Variants in EXOC4 observed in about 807,000 individuals in gnomAD.
The protein encoded by EXOC4 is SEC8-like 1.
A neutral mutation model predicts 107.2 loss-of-function variants in EXOC4; 71 were observed. The ratio of observed to expected loss-of-function variants is 0.66; its 90% CI spans 0.55 to 0.81. EXOC4 has a LOEUF of 0.81. Among genes scored for constraint, EXOC4 ranks in the 30% least tolerant of loss-of-function variants. The pLI, the probability that EXOC4 is intolerant of heterozygous loss-of-function variation, is 0.00. For missense variants in EXOC4, 1,108 were observed against 1,189.6 expected (o/e 0.93, Z 1.01); for synonymous variants, 456 against 441.2 (o/e 1.03, Z -0.42).
intron 10 of EXOC4, among the ~76,000 whole-genome samples, chr7:133,748,501 C>G (rs1795722855): frequency 6.6e-6 from 1 of 152,096 alleles, no homozygotes; most frequent in East Asian, 1.9e-4. Context: ...CAAAATTACT[C>G]CCAGGTTTGG....
At chr7:133,651,903 T>TGCC (rs1803164588) in intron 10 of EXOC4, among the ~76,000 whole-genome samples, 1 of 152,134 alleles carries the variant, frequency 6.6e-6, no homozygotes, top group Non-Finnish European at 1.5e-5. Context: ...CAGGCTGGTC[T>TGCC]TGCTGACCTC....
At chr7:133,847,777 C>A (rs1047099357) in intron 11 of EXOC4, among the ~76,000 whole-genome samples, 1 of 151,482 alleles carries the variant, frequency 6.6e-6, no homozygotes, top group African/African-American at 2.4e-5. Flanking sequence ...GGCATGATCT[C>A]GGCTCACTGC....
intron 10 of EXOC4, among the ~76,000 whole-genome samples, chr7:133,726,970 A>G (rs1236580223): frequency 1.3e-5 from 2 of 152,234 alleles, no homozygotes; most frequent in African/African-American, 4.8e-5. Context: ...TAAACTCCTG[A>G]AGGCTCCATT....
chr7:133,878,737 T>C (rs1798901492), intron 11 of EXOC4, among the ~76,000 whole-genome samples: 1 of 152,150 alleles, frequency 6.6e-6, no homozygotes, highest in Admixed American at 6.5e-5. Flanking sequence ...TGTTTGTTTG[T>C]TTTTGAGACG....
chr7:134,063,164 C>G (rs1796106710), intron 17 of EXOC4, among the ~76,000 whole-genome samples: 2 of 152,180 alleles, frequency 1.3e-5, no homozygotes, highest in South Asian at 4.1e-4. Flanking sequence ...GGACTCTCTG[C>G]TATTGCTCTG....
intron 10 of EXOC4, among the ~76,000 whole-genome samples, chr7:133,791,082 A>G (rs973327669): frequency 4.6e-5 from 7 of 152,144 alleles, no homozygotes; most frequent in African/African-American, 1.7e-4. Flanking sequence ...TTACAGCTGG[A>G]TATTAGGGAC....
chr7:133,418,412 T>A (rs527958360), intron 7 of EXOC4, among the ~76,000 whole-genome samples: 4 of 152,344 alleles, frequency 2.6e-5, no homozygotes, highest in African/African-American at 9.6e-5. Context: ...CAGAGTTACT[T>A]TCACATTGTA....
intron 7 of EXOC4, among the ~76,000 whole-genome samples, chr7:133,454,006 T>C (rs147728308): frequency 0.026 from 3,923 of 152,262 alleles, 114 homozygotes; most frequent in Non-Finnish European, 0.032. Flanking sequence ...ATCAAACTAA[T>C]ATAATTTTAA....
At chr7:133,402,329 G>C (rs1360924364) in intron 7 of EXOC4, among the ~76,000 whole-genome samples, 1 of 152,188 alleles carries the variant, frequency 6.6e-6, no homozygotes, top group Non-Finnish European at 1.5e-5. Flanking sequence ...AGTCAGCAGT[G>C]CTTATGTTTT....
At chr7:133,998,936 CAG>C (rs1044682640) in intron 15 of EXOC4, among the ~76,000 whole-genome samples, 1 of 152,014 alleles carries the variant, frequency 6.6e-6, no homozygotes, top group Non-Finnish European at 1.5e-5. Flanking sequence ...GTATTGGACA[CAG>C]GGGCTGGTGC....
At chr7:133,820,531 A>C (rs976133336) in intron 11 of EXOC4, among the ~76,000 whole-genome samples, 1 of 152,214 alleles carries the variant, frequency 6.6e-6, no homozygotes, top group Non-Finnish European at 1.5e-5. Flanking sequence ...AATTCTCAAA[A>C]ATTTTAGCTG....
intron 10 of EXOC4, among the ~76,000 whole-genome samples, chr7:133,715,029 T>C (rs1040667428): frequency 3.9e-5 from 6 of 152,194 alleles, no homozygotes; most frequent in African/African-American, 1.4e-4. Flanking sequence ...GTTTTTTCTT[T>C]ACTCCTCAAA....
chr7:134,052,891 C>T (rs948142442), intron 17 of EXOC4, among the ~76,000 whole-genome samples: 1 of 152,158 alleles, frequency 6.6e-6, no homozygotes, highest in African/African-American at 2.4e-5. Flanking sequence ...TTATCCTGAC[C>T]ATCTCCCCCC....
At chr7:133,503,164 G>T (rs960139963) in intron 9 of EXOC4, among the ~76,000 whole-genome samples, 1 of 152,014 alleles carries the variant, frequency 6.6e-6, no homozygotes, top group Non-Finnish European at 1.5e-5. Flanking sequence ...GGTGGGAGAG[G>T]GACTGAGAAT....
intron 10 of EXOC4, among the ~76,000 whole-genome samples, chr7:133,718,871 G>T (rs1002449531): frequency 1.3e-5 from 2 of 152,130 alleles, no homozygotes; most frequent in African/African-American, 4.8e-5. Flanking sequence ...TCCCAGTCTT[G>T]TTAGGGAAAG....
chr7:133,515,410 C>T (rs112543131), intron 9 of EXOC4, among the ~76,000 whole-genome samples: 1 of 151,864 alleles, frequency 6.6e-6, no homozygotes, highest in African/African-American at 2.4e-5. Context: ...CATATATATA[C>T]ACGTGTATAT....
intron 10 of EXOC4, among the ~76,000 whole-genome samples, chr7:133,796,437 A>G (rs996545999): frequency 3.3e-5 from 5 of 152,146 alleles, no homozygotes; most frequent in Admixed American, 1.3e-4. Flanking sequence ...TATTACAGGC[A>G]TGGCATTGAT....
chr7:133,834,705 AG>A (rs1797882039), intron 11 of EXOC4, among the ~76,000 whole-genome samples: 1 of 152,232 alleles, frequency 6.6e-6, no homozygotes, highest in African/African-American at 2.4e-5. Context: ...CAGCATGACA[AG>A]AAATTTGTAA....
intron 10 of EXOC4, among the ~76,000 whole-genome samples, chr7:133,744,757 T>G (rs181655889): frequency 6.6e-6 from 1 of 152,322 alleles, no homozygotes; most frequent in Non-Finnish European, 1.5e-5. Context: ...ATTGGTGACT[T>G]GGCTCTGTCA....
Sources: gnomAD v4.1 joint callset for allele counts (sites outside exome capture counted in the v4.1 genomes callset) on GRCh38, gnomAD v4.1.1 for gene constraint, MANE v1.5 for transcripts, NCBI Gene and HGNC (gene_info 2026-07-23, HGNC 2026-07-21) for gene names.